The following ZPLD1 variants were observed in gnomAD, a reference collection of about 807,000 sequenced individuals.
ZPLD1 encodes zona pellucida-like domain-containing protein 1.
A neutral mutation model predicts 47.2 loss-of-function variants in ZPLD1; 34 were observed. The observed-to-expected ratio is 0.72, with a 90% CI of 0.55 to 0.96. The LOEUF (loss-of-function observed/expected upper bound fraction) is 0.96, where lower values mean the gene tolerates loss of function less well. Ranked by LOEUF, ZPLD1 falls within the 40% of genes least tolerant of loss-of-function variation. ZPLD1 has a pLI of 0.00. For synonymous variants in ZPLD1, 176 were observed against 186.2 expected (o/e 0.95, Z 0.45); for missense variants, 512 against 505.8 (o/e 1.01, Z -0.12).
chr3:102,461,784 C>T (rs1218888388), intron 6 of ZPLD1, among the ~76,000 whole-genome samples: 1 of 151,934 alleles, frequency 6.6e-6, no homozygotes, highest in Non-Finnish European at 1.5e-5. Flanking sequence ...TTCAATTAAA[C>T]TTTAACAATT....
upstream of ZPLD1, among the ~76,000 whole-genome samples, chr3:102,432,671 G>C (rs552206122): frequency 3.9e-5 from 6 of 151,908 alleles, no homozygotes; most frequent in Admixed American, 1.3e-4. Context: ...ACTTTTCTCA[G>C]GCACTAAGAG....
chr3:102,455,211 T>C (rs944336046), intron 4 of ZPLD1, among the ~76,000 whole-genome samples: 2 of 152,236 alleles, frequency 1.3e-5, no homozygotes, highest in African/African-American at 4.8e-5. Flanking sequence ...GTCTTAGTAA[T>C]ATAGTAGTAT....
chr3:102,387,973 G>T (rs905493686), intron 6 of ZPLD1, among the ~76,000 whole-genome samples: 3 of 146,754 alleles, frequency 2.0e-5, no homozygotes, highest in Non-Finnish European at 3.0e-5. Flanking sequence ...CCATTCTCCT[G>T]CCTCAGCCTC....
At chr3:102,453,290 G>A (rs190161071) in intron 4 of ZPLD1, 151 bp downstream of exon 4, 2 of 709,804 alleles carry the variant, frequency 2.8e-6, no homozygotes, top group East Asian at 2.7e-5. Flanking sequence ...GCATGCACTA[G>A]CAAATATACA....
intron 11 of ZPLD1, 75 bp downstream of exon 11, chr3:102,477,116 G>A (rs1707770215): frequency 6.5e-7 from 1 of 1,527,236 alleles, no homozygotes; most frequent in South Asian, 1.1e-5. Context: ...TCATCTAAGT[G>A]TAATGAGCTT....
chr3:102,392,431 A>T (rs1220318010), intron 7 of ZPLD1, among the ~76,000 whole-genome samples: 1 of 152,008 alleles, frequency 6.6e-6, no homozygotes, highest in Non-Finnish European at 1.5e-5. Context: ...GCTGGTGGGA[A>T]CCCTCTATAG....
intron 10 of ZPLD1, among the ~76,000 whole-genome samples, chr3:102,473,684 C>T (rs780568076): frequency 3.3e-5 from 5 of 152,120 alleles, no homozygotes; most frequent in Non-Finnish European, 5.9e-5. Flanking sequence ...AAGATGTTTA[C>T]ATTGTAATAC....
At position 102,464,051 on chromosome 3, in the gene ZPLD1, A is replaced by G. The variant is rs1214254748; in HGVS notation, c.681-120A>G. On this transcript the variant is annotated intron_variant, in intron 7 of 11. Transcript: ENST00000466937. ...GGCAACGGAACAAGACTCCGTCTCA[A>G]AAAAAGAAAAGAAAGAAAGAAGGAA... 1.2e-5 allele frequency: 9 copies of G among 764,848 alleles called. No homozygotes were observed. In the East Asian group the frequency reaches 2.1e-4, roughly 18 times the overall value. The allele number at this position is 764,848 out of a possible 1,614,324, so 47.4% of individuals were successfully genotyped here. A position where few individuals can be genotyped will look rare whatever the true frequency, so the allele number is the denominator to read the frequency against.
chr3:102,463,425 T>C (rs138509803), intron 7 of ZPLD1, among the ~76,000 whole-genome samples: 77 of 152,362 alleles, frequency 5.1e-4, no homozygotes, highest in African/African-American at 1.8e-3. Flanking sequence ...TAAGCATCTA[T>C]GTAGCTCATT....
At chr3:102,403,996 C>A (rs114817073) in intron 7 of ZPLD1, among the ~76,000 whole-genome samples, 36 of 152,050 alleles carry the variant, frequency 2.4e-4, no homozygotes, top group African/African-American at 8.7e-4. Context: ...AGTCAGAATT[C>A]TTCACTAGTT....
Position 102,399,973 on chromosome 3 carries a change from C to G in ZPLD1, c.-157+7748C>G, listed in dbSNP as rs370564531. On this transcript the variant is annotated intron_variant, in intron 7 of 17. Coordinates refer to the ZPLD1 transcript ENST00000491959. Reference sequence around the variant, plus strand: ...AGCTGGGATTACAGGTGTGCACCACCATGCCCTGCTAATTTTTGTATTTTT... The same window carrying G: ...AGCTGGGATTACAGGTGTGCACCACGATGCCCTGCTAATTTTTGTATTTTT... Among the ~76,000 whole-genome samples the G allele has an allele frequency of 9.9e-5, 15 of 152,026 alleles. No individual in the cohort carries two copies. In the East Asian group the frequency reaches 2.9e-3, roughly 30 times the overall value.
At chr3:102,435,304 G>T in intron 1 of ZPLD1, 150 bp downstream of exon 1, 1 of 806,546 alleles carries the variant, frequency 1.2e-6, no homozygotes. Flanking sequence ...AAGAGATATG[G>T]GTGTCCTTTT....
intron 7 of ZPLD1, among the ~76,000 whole-genome samples, chr3:102,412,794 G>A (rs190862272): frequency 6.6e-6 from 1 of 151,572 alleles, no homozygotes; most frequent in Admixed American, 6.6e-5. Flanking sequence ...ATTTGACAGG[G>A]ACATATGTAT....
chr3:102,417,164 G>A (rs1470281383), intron 7 of ZPLD1, among the ~76,000 whole-genome samples: 1 of 151,870 alleles, frequency 6.6e-6, no homozygotes, highest in African/African-American at 2.4e-5. Context: ...TAAAGGTGTA[G>A]GCCAGTGGAA....
rs926038666 is a variant in ZPLD1, at chr3:102,441,615, A to G, written c.106+3022A>G. ...TCCTCTCTGCCTAGGTAGTAGAGAA[A>G]TAAAAACACTTTTATCATTAAATAA... On this transcript the variant is annotated intron_variant, in intron 3 of 11. Transcript: ENST00000466937. 2.0e-5 allele frequency among the ~76,000 whole-genome samples: 3 copies of G among 152,318 alleles called. No individual in the cohort carries two copies. In the East Asian group the frequency reaches 5.8e-4, roughly 29 times the overall value.
intron 7 of ZPLD1, among the ~76,000 whole-genome samples, chr3:102,411,493 T>C (rs1706747165): frequency 6.6e-6 from 1 of 151,818 alleles, no homozygotes; most frequent in Non-Finnish European, 1.5e-5. Flanking sequence ...TGGTTATTGC[T>C]GGTGTTAAAC....
intron 6 of ZPLD1, among the ~76,000 whole-genome samples, chr3:102,461,469 T>G (rs539199889): frequency 6.6e-6 from 1 of 152,082 alleles, no homozygotes; most frequent in East Asian, 1.9e-4. Context: ...AAAATAAGGG[T>G]AGAAAAGTAA....
chr3:102,435,230 G>A (rs1707070911), intron 1 of ZPLD1, 76 bp downstream of exon 1: 2 of 1,544,926 alleles, frequency 1.3e-6, no homozygotes, highest in Non-Finnish European at 1.8e-6. Flanking sequence ...CTATAAAGAA[G>A]GCTTGAAAAT....
chr3:102,423,308 G>T (rs1047572168), intron 8 of ZPLD1, among the ~76,000 whole-genome samples: 1 of 151,930 alleles, frequency 6.6e-6, no homozygotes, highest in South Asian at 2.1e-4. Flanking sequence ...AATGACAAAA[G>T]ACAACTAGAA....
Sources: allele counts gnomAD v4.1 joint callset (sites outside exome capture counted in the v4.1 genomes callset), GRCh38; gene constraint gnomAD v4.1.1; transcripts MANE v1.5; gene names NCBI Gene and HGNC (gene_info 2026-07-23, HGNC 2026-07-21).